The following SENP6 variants were observed in gnomAD, a reference collection of about 807,000 sequenced individuals.
SENP6 encodes the protein SUMO specific peptidase 6.
SENP6 carries 41 observed loss-of-function variants against 134.5 expected under a neutral mutation model. The ratio of observed to expected loss-of-function variants is 0.30; its 90% CI spans 0.24 to 0.40. The LOEUF is 0.40. SENP6 is among the 10% of genes least tolerant of loss of function. The probability of loss-of-function intolerance (pLI) is 1.00; values close to 1 mark genes in which losing one functional copy is unlikely to be tolerated. For missense variants in SENP6, 1,248 were observed against 1,312.5 expected (o/e 0.95, Z 0.76); for synonymous variants, 395 against 429.8 (o/e 0.92, Z 1.00).
chr6:75,633,386 G>A (rs1769255990), intron 3 of SENP6, among the ~76,000 whole-genome samples, 195 bp from the exon 4 acceptor site: 1 of 152,038 alleles, frequency 6.6e-6, no homozygotes, highest in Admixed American at 6.6e-5. Flanking sequence ...AAACCTCCAT[G>A]TTCCTACAAA....
intron 5 of SENP6, 53 bp from the exon 6 acceptor site, chr6:75,640,631 T>C (rs1308452076): frequency 3.8e-6 from 5 of 1,299,504 alleles, no homozygotes; most frequent in Non-Finnish European, 5.2e-6. Flanking sequence ...TACAGTGATA[T>C]ATCAACAATG....
chr6:75,640,620 C>T, intron 5 of SENP6, 64 bp from the exon 6 acceptor site: 9 of 1,120,246 alleles, frequency 8.0e-6, no homozygotes, highest in Non-Finnish European at 1.1e-5. Context: ...GTTACTGCAA[C>T]TACAGTGATA....
chr6:75,689,994 G>A (rs569561403), intron 16 of SENP6, among the ~76,000 whole-genome samples: 23 of 152,246 alleles, frequency 1.5e-4, no homozygotes, highest in African/African-American at 5.3e-4. Flanking sequence ...CACAGCTCAC[G>A]ATAGCCTCCT....
rs567911789 is a variant in SENP6 at position 75,617,184 on chromosome 6, TGTTTTAA to T, written c.53-4347_53-4341del. Among the ~76,000 whole-genome samples the T allele has an allele frequency of 3.5e-4, 53 of 151,956 alleles. No individual in the cohort carries two copies. The South Asian group carries it at 4.8e-3, about 14-fold the overall frequency. ...ATGAGCCACTGCACCCAGCCTTTGG[TGTTTTAA>T]AACTTTTTCTTTTGGAATACATTTA... On this transcript the variant is annotated intron_variant, in intron 1 of 23. Transcript: ENST00000447266.
At chr6:75,713,618 G>T in intron 22 of SENP6, 37 bp downstream of exon 22, 1 of 1,599,018 alleles carries the variant, frequency 6.3e-7, no homozygotes, top group African/African-American at 1.3e-5. Context: ...TGATGGGGAT[G>T]AAGAACTATG....
intron 9 of SENP6, among the ~76,000 whole-genome samples, chr6:75,663,767 CT>C (rs1771956407): frequency 7.0e-6 from 1 of 143,812 alleles, no homozygotes; most frequent in African/African-American, 2.6e-5. Flanking sequence ...TTAATTTAAT[CT>C]TTCTGATCTG....
At chr6:75,631,851 G>A (rs1023372186) in intron 3 of SENP6, among the ~76,000 whole-genome samples, 2 of 152,092 alleles carry the variant, frequency 1.3e-5, no homozygotes, top group African/African-American at 4.8e-5. Flanking sequence ...ATATCCGGAG[G>A]CCCCCTTAAA....
intron 7 of SENP6, among the ~76,000 whole-genome samples, chr6:75,656,804 TTATA>T (rs1771378379): frequency 6.6e-6 from 1 of 152,212 alleles, no homozygotes; most frequent in South Asian, 2.1e-4. Context: ...TTTCAGAGCC[TTATA>T]AATAACCTTG....
rs1056504725 is a variant in SENP6, at chr6:75,709,513, T to C, written c.2717-14T>C. 1 of 1,584,166 alleles carries C rather than the reference T, an allele frequency of 6.3e-7. No individual in the cohort carries two copies. ...ATGGCCTTTTTTATTATGTAATGTT[T>C]CTTATTGATACAGATGGCTTAAGCA... On this transcript the variant is annotated splice_polypyrimidine_tract_variant and intron_variant, in intron 19 of 23. Transcript: ENST00000447266.
At chr6:75,670,802 T>C in intron 11 of SENP6, 82 bp downstream of exon 11, 1 of 684,982 alleles carries the variant, frequency 1.5e-6, no homozygotes, top group South Asian at 6.5e-5. Context: ...ATATTTAAAA[T>C]TTATAAGTTA....
At chr6:75,652,848 T>C (rs529272673) in intron 7 of SENP6, among the ~76,000 whole-genome samples, 41 of 152,254 alleles carry the variant, frequency 2.7e-4, no homozygotes, top group Middle Eastern at 3.4e-3. Context: ...ATGTTTTTCT[T>C]ATATTTTCTT....
chr6:75,619,000 G>A (rs963370139), intron 1 of SENP6, among the ~76,000 whole-genome samples: 4 of 134,562 alleles, frequency 3.0e-5, no homozygotes, highest in African/African-American at 5.5e-5. Context: ...ATGTTTGCTT[G>A]TGTTAGTCAC....
Position 75,658,977 on chromosome 6 carries a change from A to C in SENP6, c.551-285A>C, listed in dbSNP as rs1432069512. Among the ~76,000 whole-genome samples, 129 of 65,608 alleles carry C rather than the reference A, an allele frequency of 2.0e-3. 2 individuals are homozygous for C. The highest frequency in any genetic ancestry group is 6.6e-3 in the Admixed American group (28 of 4,226). The allele number at this position is 65,608 out of a possible 152,430, so 43.0% of individuals were successfully genotyped here. A position where few individuals can be genotyped will look rare whatever the true frequency, so the allele number is the denominator to read the frequency against. ...ACAGAATGAGACCTTGTCTCCCCAA[A>C]AAAAAAAAAAAAAAAAAAAAAAAGG... On this transcript the variant is annotated intron_variant, in intron 7 of 23. Transcript: ENST00000447266.
intron 3 of SENP6, among the ~76,000 whole-genome samples, 165 bp from the exon 4 acceptor site, chr6:75,633,416 A>T (rs1046565431): frequency 6.6e-6 from 1 of 152,222 alleles, no homozygotes; most frequent in Non-Finnish European, 1.5e-5. Context: ...TCTTTAGGAA[A>T]AAAAAAGTAG....
At chr6:75,664,871 C>G (rs1772074312) in intron 9 of SENP6, among the ~76,000 whole-genome samples, 1 of 152,174 alleles carries the variant, frequency 6.6e-6, no homozygotes, top group East Asian at 1.9e-4. Context: ...TGTCCCTGTT[C>G]TCTTATAGTT....
At chr6:75,627,730 C>T (rs1768806103) in intron 3 of SENP6, among the ~76,000 whole-genome samples, 2 of 152,126 alleles carry the variant, frequency 1.3e-5, no homozygotes, top group South Asian at 4.1e-4. Flanking sequence ...GGCCAGAGGG[C>T]AGTGGTGTGA....
intron 7 of SENP6, among the ~76,000 whole-genome samples, chr6:75,658,195 A>G (rs1034426573): frequency 2.0e-5 from 3 of 152,174 alleles, no homozygotes; most frequent in Admixed American, 2.0e-4. Context: ...TTAAATTTCT[A>G]GCTTTGGTGT....
rs193151319 is a variant in SENP6 at position 75,603,972 on chromosome 6, G to C, written c.52+1396G>C. Reference sequence around the variant, plus strand: ...TGCGGAATGGGTACCTGTCGAGGCTGAGAGGGTGCAGCTTGTGTTACAGGT... The same window carrying C: ...TGCGGAATGGGTACCTGTCGAGGCTCAGAGGGTGCAGCTTGTGTTACAGGT... On this transcript the variant is annotated intron_variant, in intron 1 of 23. Coordinates refer to ENST00000447266, the MANE Select transcript of SENP6 (RefSeq NM_015571.4). Among the ~76,000 whole-genome samples, 93 of 152,316 alleles carry C rather than the reference G, an allele frequency of 6.1e-4. 1 individual carries two copies. The highest frequency in any genetic ancestry group is 2.1e-3 in the African/African-American group (88 of 41,564).
At chr6:75,628,974 C>G (rs1464788976) in intron 3 of SENP6, among the ~76,000 whole-genome samples, 1 of 152,202 alleles carries the variant, frequency 6.6e-6, no homozygotes, top group South Asian at 2.1e-4. Flanking sequence ...ATCCACCCAC[C>G]TTGGCCTCCC....
Sources: gnomAD v4.1 joint callset for allele counts (sites outside exome capture counted in the v4.1 genomes callset) on GRCh38, gnomAD v4.1.1 for gene constraint, MANE v1.5 for transcripts, NCBI Gene and HGNC (gene_info 2026-07-23, HGNC 2026-07-21) for gene names.